UST: variants seen among roughly 807,000 people sequenced by gnomAD.
The protein encoded by UST is chondroitin sulfate 2-O-sulfotransferase.
A neutral mutation model predicts 45.6 loss-of-function variants in UST; 21 were observed. The observed-to-expected ratio is 0.46, with a 90% CI of 0.33 to 0.66. The LOEUF is 0.66. Ranked by LOEUF, UST falls within the 30% of genes least tolerant of loss-of-function variation. The pLI is 0.02. For missense variants in UST, 463 were observed against 512.4 expected, an observed-to-expected ratio of 0.90 and a Z score of 0.93; for synonymous variants, 215 against 200.6, an observed-to-expected ratio of 1.07 and a Z score of -0.61.
chr6:149,037,950 C>T (rs1776260032), intron 7 of UST, among the ~76,000 whole-genome samples: 1 of 152,130 alleles, frequency 6.6e-6, no homozygotes, highest in African/African-American at 2.4e-5. Flanking sequence ...CTGGGGCCTC[C>T]GAGGCGCCAT....
chr6:149,025,748 C>T (rs1010160566), intron 7 of UST, among the ~76,000 whole-genome samples: 32 of 152,210 alleles, frequency 2.1e-4, no homozygotes, highest in African/African-American at 7.7e-4. Context: ...TAGTGACTTG[C>T]ACCTGTAATC....
chr6:148,785,087 G>A (rs1473138167), intron 1 of UST, among the ~76,000 whole-genome samples: 1 of 152,084 alleles, frequency 6.6e-6, no homozygotes, highest in African/African-American at 2.4e-5. Context: ...TGTAGTCCCA[G>A]CTACTAGGGA....
chr6:148,855,332 T>G (rs549475133), intron 1 of UST, among the ~76,000 whole-genome samples: 2 of 152,314 alleles, frequency 1.3e-5, no homozygotes, highest in South Asian at 2.1e-4. Flanking sequence ...CCTCTCATAG[T>G]GCTCTAACAA....
rs1475301439 is a variant in UST, at chr6:149,049,931, T to TCTCACA, written c.938-23901_938-23900insTCACAC. 8.8e-4 allele frequency among the ~76,000 whole-genome samples: 119 copies of TCTCACA among 134,536 alleles called. 1 individual carries two copies. Among genetic ancestry groups the TCTCACA allele is most frequent in the East Asian group, 8.6e-3 (40 of 4,664 alleles). The allele number at this position is 134,536 out of a possible 152,430, so 88.3% of individuals were successfully genotyped here. Reference sequence around the variant, plus strand: ...TTGTCTCTCTCTCTCTCTCTCTCTCTCACACACACACACACACACACACAC... The same window carrying TCTCACA: ...TTGTCTCTCTCTCTCTCTCTCTCTCTCTCACACACACACACACACACACACACACAC... On this transcript the variant is annotated intron_variant, in intron 7 of 7. Coordinates refer to ENST00000367463, the MANE Select transcript of UST (RefSeq NM_005715.3).
chr6:149,034,880 C>G (rs1776219345), intron 7 of UST, among the ~76,000 whole-genome samples: 1 of 117,670 alleles, frequency 8.5e-6, no homozygotes, highest in African/African-American at 4.1e-5. Context: ...CTCTCTCTCT[C>G]TCTCTCTCTC....
chr6:148,985,813 C>G (rs1194564607), intron 5 of UST, among the ~76,000 whole-genome samples: 8 of 152,168 alleles, frequency 5.3e-5, no homozygotes, highest in Admixed American at 5.2e-4. Flanking sequence ...TCTTAAAAAA[C>G]AAATACTATT....
intron 7 of UST, among the ~76,000 whole-genome samples, chr6:149,067,390 T>C (rs1776747486): frequency 6.6e-6 from 1 of 152,204 alleles, no homozygotes; most frequent in Non-Finnish European, 1.5e-5. Context: ...ATTTGAAATA[T>C]CGCCATACCA....
At chr6:149,022,770 C>G (rs532030090) in intron 7 of UST, among the ~76,000 whole-genome samples, 1 of 152,158 alleles carries the variant, frequency 6.6e-6, no homozygotes, top group Admixed American at 6.5e-5. Flanking sequence ...TGCACAAGGT[C>G]AAGGTGGCCC....
chr6:148,945,511 G>T (rs1359016762), intron 3 of UST, among the ~76,000 whole-genome samples: 1 of 152,158 alleles, frequency 6.6e-6, no homozygotes, highest in Non-Finnish European at 1.5e-5. Context: ...TGCAGCCAGG[G>T]TTAAGAAGCT....
chr6:148,976,838 T>C (rs1453339136), intron 5 of UST, among the ~76,000 whole-genome samples: 1 of 152,212 alleles, frequency 6.6e-6, no homozygotes, highest in Non-Finnish European at 1.5e-5. Context: ...TTTGTGATGT[T>C]TTTTACATGC....
intron 1 of UST, among the ~76,000 whole-genome samples, chr6:148,829,149 GGATGGA>G: frequency 1.5e-5 from 1 of 66,156 alleles, no homozygotes; most frequent in African/African-American, 3.9e-5. Context: ...TGGGATGGAT[GGATGGA>G]TGGATGGATG....
At chr6:149,053,281 A>G (rs62426152) in intron 7 of UST, among the ~76,000 whole-genome samples, 4,144 of 152,326 alleles carry the variant, frequency 0.027, 94 homozygotes, top group Non-Finnish European at 0.042. Flanking sequence ...GTTACCAACT[A>G]CTGAAATCAA....
intron 1 of UST, among the ~76,000 whole-genome samples, chr6:148,868,466 A>C (rs1298404024): frequency 6.8e-6 from 1 of 146,638 alleles, no homozygotes; most frequent in Non-Finnish European, 1.5e-5. Flanking sequence ...TGAGTGACTC[A>C]CTTCGTCTTT....
At chr6:148,824,003 G>A (rs1777519314) in intron 1 of UST, among the ~76,000 whole-genome samples, 1 of 152,208 alleles carries the variant, frequency 6.6e-6, no homozygotes, top group South Asian at 2.1e-4. Context: ...GATACAAGGA[G>A]ATAACAGAAA....
intron 1 of UST, 93 bp downstream of exon 1, chr6:148,747,770 C>G: frequency 7.1e-7 from 1 of 1,407,202 alleles, no homozygotes; most frequent in East Asian, 2.8e-5. Flanking sequence ...GCGCTGCCAC[C>G]GCGCGCCGCC....
chr6:148,919,057 T>C (rs143148009), intron 2 of UST, among the ~76,000 whole-genome samples: 57 of 152,330 alleles, frequency 3.7e-4, no homozygotes, highest in African/African-American at 1.3e-3. Context: ...TATAGTACTC[T>C]GATTTCCTGC....
chr6:149,061,107 T>C (rs1776648447), intron 7 of UST, among the ~76,000 whole-genome samples: 1 of 152,016 alleles, frequency 6.6e-6, no homozygotes, highest in African/African-American at 2.4e-5. Context: ...TGAGCTTTTG[T>C]TATTTTGCGT....
At chr6:148,907,039 A>G (rs996286025) in intron 2 of UST, among the ~76,000 whole-genome samples, 2 of 152,370 alleles carry the variant, frequency 1.3e-5, no homozygotes, top group African/African-American at 4.8e-5. Context: ...AGATGGGATT[A>G]AAGCAAAAAT....
intron 7 of UST, among the ~76,000 whole-genome samples, chr6:149,052,843 T>C (rs890404247): frequency 2.0e-5 from 3 of 152,224 alleles, no homozygotes; most frequent in Admixed American, 2.0e-4. Context: ...ATCGCTTTAA[T>C]AAAGTGCTTG....
Sources: allele counts gnomAD v4.1 joint callset (sites outside exome capture counted in the v4.1 genomes callset), GRCh38; gene constraint gnomAD v4.1.1; transcripts MANE v1.5; gene names NCBI Gene and HGNC (gene_info 2026-07-23, HGNC 2026-07-21).